Variants in INSYN2B observed in about 807,000 individuals in gnomAD.
INSYN2B encodes the protein protein INSYN2B.
In INSYN2B, 16 loss-of-function variants were observed where a neutral mutation model predicts 41.2. That is an observed-to-expected ratio of 0.39 (90% CI 0.26 to 0.59). INSYN2B has a LOEUF of 0.59. INSYN2B is among the 20% of genes least tolerant of loss of function. INSYN2B has a pLI of 0.57. For synonymous variants in INSYN2B, 245 were observed against 244.4 expected (o/e 1.00, Z -0.02); for missense variants, 608 against 646.4 (o/e 0.94, Z 0.64).
Position 169,884,245 on chromosome 5 carries a change from G to A in INSYN2B, c.-347C>T, listed in dbSNP as rs1561794434. The A allele has an allele frequency of 1.1e-5, 2 of 185,102 alleles. No individual in the cohort carries two copies. Among genetic ancestry groups the A allele is most frequent in the East Asian group, 2.8e-4 (2 of 7,216 alleles). The allele number at this position is 185,102 out of a possible 1,614,324, so 11.5% of individuals were successfully genotyped here. On this transcript the variant is annotated 5_prime_UTR_variant, in exon 2 of 4. Transcript: ENST00000377365. The stretch of plus-strand genomic sequence containing the variant: ...AGGCTGGCACGCGGTTCTGATCTTG[G>A]AAGAAGCTGGCTGTCTTGAACAAAA...
At chr5:169,952,782 G>A (rs902168196) in intron 1 of INSYN2B, among the ~76,000 whole-genome samples, 2 of 152,068 alleles carry the variant, frequency 1.3e-5, no homozygotes, top group Non-Finnish European at 2.9e-5. Context: ...TTCAATCCAG[G>A]GTACAGAGTT....
intron 1 of INSYN2B, chr5:169,934,753 TCA>T (rs1491271895): frequency 4.2e-5 from 19 of 455,522 alleles, no homozygotes; most frequent in African/African-American, 3.8e-4. Context: ...GGATCAGTGC[TCA>T]GTAAATGCTA....
chr5:169,908,429 C>T (rs1774409265), intron 1 of INSYN2B, among the ~76,000 whole-genome samples: 1 of 152,114 alleles, frequency 6.6e-6, no homozygotes, highest in African/African-American at 2.4e-5. Flanking sequence ...TAAAACTAAT[C>T]CCCAAATCAT....
chr5:169,894,923 C>T (rs1362286738), intron 1 of INSYN2B, among the ~76,000 whole-genome samples: 1 of 152,310 alleles, frequency 6.6e-6, no homozygotes, highest in South Asian at 2.1e-4. Flanking sequence ...AATGTCCCGT[C>T]TGCTGGTTTT....
At chr5:169,898,249 C>A (rs917451189) in intron 1 of INSYN2B, among the ~76,000 whole-genome samples, 1 of 152,202 alleles carries the variant, frequency 6.6e-6, no homozygotes, top group Non-Finnish European at 1.5e-5. Flanking sequence ...CAACTGGCTG[C>A]CATGGTCTCC....
rs113300369 is a variant in INSYN2B at position 169,865,149 on chromosome 5, C to T, written c.1422-690G>A. ...CAATACAGTGTATTTAAATATTCCT[C>T]TACTGATGGATGGACATTCCCAACC... On this transcript the variant is annotated intron_variant, in intron 3 of 3. Coordinates refer to ENST00000377365, the MANE Select transcript of INSYN2B (RefSeq NM_001129891.3). 4.3e-4 allele frequency among the ~76,000 whole-genome samples: 66 copies of T among 152,348 alleles called. 1 individual carries two copies. Among genetic ancestry groups the T allele is most frequent in the African/African-American group, 1.4e-3 (58 of 41,580 alleles).
intron 1 of INSYN2B, among the ~76,000 whole-genome samples, chr5:169,923,494 C>T (rs1227171411): frequency 6.6e-6 from 1 of 151,958 alleles, no homozygotes; most frequent in African/African-American, 2.4e-5. Flanking sequence ...CACACACACA[C>T]ACACACACAC....
At chr5:169,877,408 G>A (rs527939179) in intron 3 of INSYN2B, among the ~76,000 whole-genome samples, 72 of 152,356 alleles carry the variant, frequency 4.7e-4, no homozygotes, top group African/African-American at 1.6e-3. Flanking sequence ...TGAACCTGCG[G>A]CAGAGGAATT....
At chr5:169,923,262 TG>T (rs1217219027) in intron 1 of INSYN2B, among the ~76,000 whole-genome samples, 2 of 152,256 alleles carry the variant, frequency 1.3e-5, no homozygotes, top group Admixed American at 6.5e-5. Flanking sequence ...ATGAGATGTC[TG>T]GGTGGTAAGC....
chr5:169,918,468 AG>A (rs1774996113), intron 1 of INSYN2B, among the ~76,000 whole-genome samples: 1 of 152,234 alleles, frequency 6.6e-6, no homozygotes, highest in African/African-American at 2.4e-5. Flanking sequence ...AATGAACTAC[AG>A]AATATTCATG....
chr5:169,920,377 A>G (rs553590825), intron 1 of INSYN2B, among the ~76,000 whole-genome samples: 1 of 152,372 alleles, frequency 6.6e-6, no homozygotes, highest in East Asian at 1.9e-4. Context: ...ACCAAGGGGA[A>G]GAAAACAAAA....
At chr5:169,953,321 A>G (rs572646520) in intron 1 of INSYN2B, among the ~76,000 whole-genome samples, 1 of 142,352 alleles carries the variant, frequency 7.0e-6, no homozygotes, top group East Asian at 2.2e-4. Flanking sequence ...TGACAGAGCA[A>G]GACTCTATCT....
chr5:169,903,634 A>C (rs1329937787), intron 1 of INSYN2B, among the ~76,000 whole-genome samples: 2 of 152,120 alleles, frequency 1.3e-5, no homozygotes, highest in Non-Finnish European at 2.9e-5. Flanking sequence ...AGATAAGAGG[A>C]AGCAGGGCTC....
At chr5:169,893,048 C>T (rs1326835937) in intron 1 of INSYN2B, among the ~76,000 whole-genome samples, 1 of 152,166 alleles carries the variant, frequency 6.6e-6, no homozygotes, top group Non-Finnish European at 1.5e-5. Context: ...CCTCTCTAGC[C>T]CCTTCTCTTG....
rs1771349816 is a variant in INSYN2B at position 169,863,700 on chromosome 5, T to C, written c.*573A>G. On this transcript the variant is annotated 3_prime_UTR_variant, in exon 4 of 4. Coordinates refer to ENST00000377365, the MANE Select transcript of INSYN2B (RefSeq NM_001129891.3). ...CTTAATTTGGGATCAAGGGGCTAAT[T>C]AAAAAGGAAAACAACCCAACACACC... Among the ~76,000 whole-genome samples, 1 of 152,172 alleles carries C rather than the reference T, an allele frequency of 6.6e-6. No homozygotes were observed. The highest frequency in any genetic ancestry group is 1.5e-5 in the Non-Finnish European group (1 of 68,026).
At chr5:169,977,436 A>G (rs1667224178) in intron 1 of INSYN2B, among the ~76,000 whole-genome samples, 1 of 152,220 alleles carries the variant, frequency 6.6e-6, no homozygotes, top group Admixed American at 6.5e-5. Context: ...AATAGCTGCT[A>G]TTATCGAGGG....
intron 1 of INSYN2B, among the ~76,000 whole-genome samples, chr5:169,955,124 A>C (rs1776810476): frequency 6.6e-6 from 1 of 152,220 alleles, no homozygotes; most frequent in Non-Finnish European, 1.5e-5. Flanking sequence ...GCAGAGATTC[A>C]GGAATGATGG....
intron 1 of INSYN2B, among the ~76,000 whole-genome samples, chr5:169,932,702 C>G (rs1437489901): frequency 1.3e-5 from 2 of 152,154 alleles, no homozygotes; most frequent in African/African-American, 4.8e-5. Context: ...TCCCTATATT[C>G]CAGTCTCCAG....
At chr5:169,925,429 A>C (rs920264482) in intron 1 of INSYN2B, among the ~76,000 whole-genome samples, 31 of 152,202 alleles carry the variant, frequency 2.0e-4, no homozygotes, top group Admixed American at 1.8e-3. Context: ...AAATTACAAA[A>C]ATTAACTGAG....
Sources: gnomAD v4.1 joint callset for allele counts (sites outside exome capture counted in the v4.1 genomes callset) on GRCh38, gnomAD v4.1.1 for gene constraint, MANE v1.5 for transcripts, NCBI Gene and HGNC (gene_info 2026-07-23, HGNC 2026-07-21) for gene names.